The following KLHL1 variants were observed in gnomAD, a reference collection of about 807,000 sequenced individuals.
The protein encoded by KLHL1 is kelch like family member 1, also known as kelch-like protein 1.
Under a neutral mutation model 77.7 loss-of-function variants are expected in KLHL1, and 47 were observed. The observed-to-expected ratio is 0.60, with a 90% CI of 0.48 to 0.77. The LOEUF is 0.77. Ranked by LOEUF, KLHL1 falls within the 30% of genes least tolerant of loss-of-function variation. The probability of loss-of-function intolerance (pLI) is 0.00; values close to 1 mark genes in which losing one functional copy is unlikely to be tolerated. For synonymous variants in KLHL1, 360 were observed against 325.2 expected (o/e 1.11, Z -1.15); for missense variants, 925 against 910.8 (o/e 1.02, Z -0.20).
intron 7 of KLHL1, among the ~76,000 whole-genome samples, chr13:69,764,672 A>G (rs1296231167): frequency 1.3e-5 from 2 of 152,116 alleles, no homozygotes; most frequent in East Asian, 3.9e-4. Context: ...TCAATGAGTG[A>G]TCCTGGCACC....
intron 7 of KLHL1, among the ~76,000 whole-genome samples, chr13:69,772,498 C>G (rs1875621205): frequency 6.6e-6 from 1 of 152,108 alleles, no homozygotes. Context: ...CTCATTAAAT[C>G]TAAACAAATT....
At chr13:69,743,824 GAAAAA>G (rs10608243) in intron 7 of KLHL1, among the ~76,000 whole-genome samples, 41 of 134,842 alleles carry the variant, frequency 3.0e-4, no homozygotes, top group Admixed American at 8.1e-4. Context: ...CAAAAAAACA[GAAAAA>G]AAAAAAAAAC....
At position 69,710,870 on chromosome 13, in the gene KLHL1, C is replaced by G. The variant is rs1875843079; in HGVS notation, c.2016-3074G>C. Among the ~76,000 whole-genome samples, 2 of 151,778 alleles carry G rather than the reference C, an allele frequency of 1.3e-5. 1 individual carries two copies. The highest frequency in any genetic ancestry group is 4.2e-4 in the South Asian group (2 of 4,812). On this transcript the variant is annotated intron_variant, in intron 9 of 10. Coordinates refer to ENST00000377844, the MANE Select transcript of KLHL1 (RefSeq NM_020866.3). The stretch of plus-strand genomic sequence containing the variant: ...GGTCTTACTGTATTTAGGCTGTCTG[C>G]CTTTCCTGCATCTTACCTTGGCCTT...
At chr13:69,988,088 T>TGGGGG (rs1566475996) in intron 1 of KLHL1, among the ~76,000 whole-genome samples, 1 of 151,778 alleles carries the variant, frequency 6.6e-6, no homozygotes, top group African/African-American at 2.4e-5. Flanking sequence ...TAGCTTTTTT[T>TGGGGG]TGGCGGGGGG....
At chr13:69,889,641 T>C (rs1346479508) in intron 4 of KLHL1, among the ~76,000 whole-genome samples, 2 of 152,028 alleles carry the variant, frequency 1.3e-5, no homozygotes, top group South Asian at 2.1e-4. Flanking sequence ...TCGCACAATA[T>C]GGCATGGTGA....
At chr13:70,105,157 G>C (rs930506233) in intron 1 of KLHL1, among the ~76,000 whole-genome samples, 3 of 151,976 alleles carry the variant, frequency 2.0e-5, no homozygotes, top group Admixed American at 1.3e-4. Flanking sequence ...CAACAATAAA[G>C]ATGATTTTGG....
chr13:70,046,955 G>T (rs1370991747), intron 1 of KLHL1, among the ~76,000 whole-genome samples: 2 of 152,108 alleles, frequency 1.3e-5, no homozygotes, highest in Non-Finnish European at 2.9e-5. Flanking sequence ...AGGTTACATG[G>T]ACTGCTTTTA....
intron 6 of KLHL1, among the ~76,000 whole-genome samples, chr13:69,829,333 G>A (rs1431185244): frequency 3.3e-5 from 5 of 149,842 alleles, no homozygotes; most frequent in Non-Finnish European, 7.4e-5. Context: ...AGACCCAGAA[G>A]AGCAAAAACA....
chr13:70,104,188 T>G (rs1369863644), intron 1 of KLHL1, among the ~76,000 whole-genome samples: 3 of 152,112 alleles, frequency 2.0e-5, no homozygotes, highest in Non-Finnish European at 4.4e-5. Context: ...TAATGTATAT[T>G]TAGACAGGGA....
chr13:70,008,475 C>T (rs879698364), intron 1 of KLHL1, among the ~76,000 whole-genome samples: 2 of 151,986 alleles, frequency 1.3e-5, no homozygotes, highest in Non-Finnish European at 2.9e-5. Context: ...ATGTGGTACA[C>T]TCATGTGCGT....
At chr13:69,794,344 A>G (rs893552849) in intron 7 of KLHL1, among the ~76,000 whole-genome samples, 2 of 152,220 alleles carry the variant, frequency 1.3e-5, no homozygotes, top group East Asian at 1.9e-4. Context: ...CCTTCATACA[A>G]TTACCCAAAG....
chr13:70,003,819 G>A (rs1054977558), intron 1 of KLHL1, among the ~76,000 whole-genome samples: 1 of 151,628 alleles, frequency 6.6e-6, no homozygotes, highest in Non-Finnish European at 1.5e-5. Context: ...TTAAGTAGAC[G>A]AGATTGTAGA....
chr13:69,727,774 G>A (rs1364776592), intron 8 of KLHL1, among the ~76,000 whole-genome samples: 1 of 151,810 alleles, frequency 6.6e-6, no homozygotes, highest in African/African-American at 2.4e-5. Flanking sequence ...TAATTGTACA[G>A]TTTCCTTGAG....
intron 4 of KLHL1, among the ~76,000 whole-genome samples, chr13:69,937,930 A>G (rs1333477780): frequency 6.6e-6 from 1 of 152,184 alleles, no homozygotes; most frequent in Non-Finnish European, 1.5e-5. Context: ...TTCCTTATGT[A>G]TTAAGCAATC....
chr13:69,885,192 G>A (rs1033443361), intron 4 of KLHL1, among the ~76,000 whole-genome samples: 10 of 136,258 alleles, frequency 7.3e-5, no homozygotes, highest in Admixed American at 1.4e-4. Context: ...CACCCGCCTC[G>A]GCCTCCCAAA....
chr13:69,941,102 A>G (rs1255559679), intron 3 of KLHL1, among the ~76,000 whole-genome samples: 1 of 152,012 alleles, frequency 6.6e-6, no homozygotes, highest in Non-Finnish European at 1.5e-5. Context: ...CTATACCCTA[A>G]AACAAATGGA....
At chr13:69,875,162 G>A (rs547217035) in intron 5 of KLHL1, among the ~76,000 whole-genome samples, 1 of 152,050 alleles carries the variant, frequency 6.6e-6, no homozygotes, top group Admixed American at 6.6e-5. Context: ...CCATAGAGGA[G>A]TTTGGTGATT....
At chr13:69,794,829 G>T (rs1376123528) in intron 7 of KLHL1, among the ~76,000 whole-genome samples, 4 of 152,004 alleles carry the variant, frequency 2.6e-5, no homozygotes. Flanking sequence ...GAACAATACA[G>T]AAGGCTGAAT....
chr13:70,088,680 T>C (rs1428287501), intron 1 of KLHL1, among the ~76,000 whole-genome samples: 2 of 152,114 alleles, frequency 1.3e-5, no homozygotes, highest in Non-Finnish European at 2.9e-5. Context: ...CAAGACCCTG[T>C]CTCATAAACA....
Sources: gnomAD v4.1 joint callset for allele counts (sites outside exome capture counted in the v4.1 genomes callset) on GRCh38, gnomAD v4.1.1 for gene constraint, MANE v1.5 for transcripts, NCBI Gene and HGNC (gene_info 2026-07-23, HGNC 2026-07-21) for gene names.